TGFA: variants seen among roughly 807,000 people sequenced by gnomAD.
The protein encoded by TGFA is transforming growth factor alpha.
A neutral mutation model predicts 21.7 loss-of-function variants in TGFA; 12 were observed. The observed-to-expected ratio is 0.55, with a 90% CI of 0.35 to 0.90. TGFA has a LOEUF of 0.90. TGFA is among the 40% of genes least tolerant of loss of function. The pLI is 0.01. For synonymous variants in TGFA, 79 were observed against 88.1 expected (o/e 0.90, Z 0.58); for missense variants, 178 against 210.8 (o/e 0.84, Z 0.96).
At chr2:70,459,638 C>A (rs1461942064) in intron 3 of TGFA, among the ~76,000 whole-genome samples, 1 of 152,162 alleles carries the variant, frequency 6.6e-6, no homozygotes, top group Non-Finnish European at 1.5e-5. Context: ...AGGGAGATAA[C>A]CCCCTGGGCT....
intron 3 of TGFA, 103 bp downstream of exon 3, chr2:70,465,513 G>C: frequency 6.9e-7 from 1 of 1,445,128 alleles, no homozygotes; most frequent in South Asian, 1.3e-5. Context: ...CTGGCTCCAG[G>C]GGTCTCGGAG....
At chr2:70,473,551 A>G (rs1276268388) in intron 2 of TGFA, among the ~76,000 whole-genome samples, 1 of 151,898 alleles carries the variant, frequency 6.6e-6, no homozygotes, top group East Asian at 1.9e-4. Flanking sequence ...AGGCAGAAGA[A>G]CAAGAGGGTT....
In TGFA at chr2:70,476,080, C is replaced by CAAAA. The variant is rs1175233983; in HGVS notation, c.95-10348_95-10345dup. On this transcript the variant is annotated intron_variant, in intron 2 of 5. Coordinates refer to ENST00000295400, the MANE Select transcript of TGFA (RefSeq NM_003236.4). ...CTACCTTGGTCTTAGTAATTTTAAG[C>CAAAA]AAAAAAAAAAAAAAAAAAAAAAAAA... 7.2e-3 allele frequency among the ~76,000 whole-genome samples: 401 copies of CAAAA among 55,614 alleles called. 20 individuals are homozygous for CAAAA. The highest frequency in any genetic ancestry group is 0.018 in the South Asian group (18 of 1,016). 36.5% of individuals were successfully genotyped at this position (55,614 alleles called of 152,430 possible).
chr2:70,523,604 CT>C (rs1432644560), intron 1 of TGFA, among the ~76,000 whole-genome samples: 2 of 152,176 alleles, frequency 1.3e-5, no homozygotes, highest in Non-Finnish European at 2.9e-5. Context: ...ACGATGCCCC[CT>C]GACCACTCTG....
At chr2:70,530,636 CT>C (rs1162937225) in intron 1 of TGFA, among the ~76,000 whole-genome samples, 5 of 152,250 alleles carry the variant, frequency 3.3e-5, no homozygotes, top group African/African-American at 1.2e-4. Context: ...CCCAGGTTTA[CT>C]TATAAGACAT....
At chr2:70,532,711 G>A (rs1443444084) in intron 1 of TGFA, among the ~76,000 whole-genome samples, 14 of 152,132 alleles carry the variant, frequency 9.2e-5, no homozygotes, top group South Asian at 2.1e-4. Context: ...ATCCCCATCC[G>A]TGGCCTGTGA....
intron 4 of TGFA, among the ~76,000 whole-genome samples, chr2:70,454,613 C>T (rs1370073078): frequency 6.6e-6 from 1 of 152,208 alleles, no homozygotes; most frequent in Non-Finnish European, 1.5e-5. Context: ...GGATCAAGGC[C>T]TCTAGATCCC....
At chr2:70,455,588 G>C (rs1269791697) in intron 4 of TGFA, among the ~76,000 whole-genome samples, 3 of 152,138 alleles carry the variant, frequency 2.0e-5, no homozygotes, top group Non-Finnish European at 1.5e-5. Flanking sequence ...AAAAGTAATG[G>C]TGAAAACTGC....
chr2:70,524,176 C>G (rs1672562143), intron 1 of TGFA, among the ~76,000 whole-genome samples: 1 of 152,194 alleles, frequency 6.6e-6, no homozygotes, highest in Non-Finnish European at 1.5e-5. Flanking sequence ...ATCTGGTGGT[C>G]CGAGAGAACC....
intron 2 of TGFA, among the ~76,000 whole-genome samples, chr2:70,479,272 A>G (rs1431778384): frequency 6.6e-6 from 1 of 152,214 alleles, no homozygotes; most frequent in Non-Finnish European, 1.5e-5. Context: ...GAAATATTAT[A>G]TGTCTGAGAA....
At chr2:70,502,204 T>C (rs1187202584) in intron 2 of TGFA, among the ~76,000 whole-genome samples, 1 of 151,920 alleles carries the variant, frequency 6.6e-6, no homozygotes, top group African/African-American at 2.4e-5. Flanking sequence ...ACCGAGGGGG[T>C]GTGTTTTCTC....
chr2:70,508,185 C>T (rs1421267791), intron 2 of TGFA, among the ~76,000 whole-genome samples: 2 of 152,188 alleles, frequency 1.3e-5, no homozygotes, highest in Non-Finnish European at 2.9e-5. Context: ...TGGCTCATGC[C>T]TGTAAACCCA....
chr2:70,505,401 G>A (rs1400964976), intron 2 of TGFA, among the ~76,000 whole-genome samples: 1 of 152,148 alleles, frequency 6.6e-6, no homozygotes, highest in Non-Finnish European at 1.5e-5. Context: ...GTGCTGGGCT[G>A]TTTCTTTAAC....
At chr2:70,527,852 G>A (rs1158486686) in intron 1 of TGFA, among the ~76,000 whole-genome samples, 5 of 152,206 alleles carry the variant, frequency 3.3e-5, no homozygotes, top group Admixed American at 2.6e-4. Context: ...CTGCACTCTG[G>A]ATTGTCCAGT....
At chr2:70,530,948 G>T (rs999707954) in intron 1 of TGFA, among the ~76,000 whole-genome samples, 1 of 152,168 alleles carries the variant, frequency 6.6e-6, no homozygotes, top group Non-Finnish European at 1.5e-5. Context: ...GAGGCCCCAG[G>T]TCTCCACTTT....
Position 70,477,670 on chromosome 2 carries a change from C to T in TGFA, c.95-11934G>A, listed in dbSNP as rs183032714. ...GCAGGCTTGGTCCATAAGAACCTCC[C>T]GGTGTGACCTCCCTTTGTCTTTTCC... On this transcript the variant is annotated intron_variant, in intron 2 of 5. Transcript: ENST00000295400. Among the ~76,000 whole-genome samples, 8 of 152,262 alleles carry T rather than the reference C, an allele frequency of 5.3e-5. No homozygotes were observed. In the East Asian group the frequency reaches 7.7e-4, roughly 15 times the overall value.
chr2:70,475,849 T>G (rs1670903915), intron 2 of TGFA, among the ~76,000 whole-genome samples: 1 of 150,952 alleles, frequency 6.6e-6, no homozygotes, highest in African/African-American at 2.4e-5. Flanking sequence ...GACCACTACC[T>G]CCCCCAAAAG....
intron 1 of TGFA, among the ~76,000 whole-genome samples, chr2:70,551,706 CT>C (rs34718507): frequency 0.17 from 25,746 of 149,422 alleles, 2,746 homozygotes; most frequent in East Asian, 0.36. Context: ...TTACTCCTGC[CT>C]TTTTTTTTTC....
chr2:70,473,391 G>A (rs1263973661), intron 2 of TGFA, among the ~76,000 whole-genome samples: 6 of 151,780 alleles, frequency 4.0e-5, no homozygotes, highest in Non-Finnish European at 7.4e-5. Flanking sequence ...GGTGGGGGGA[G>A]GTGAGAATAA....
Sources: gnomAD v4.1 joint callset for allele counts (sites outside exome capture counted in the v4.1 genomes callset) on GRCh38, gnomAD v4.1.1 for gene constraint, MANE v1.5 for transcripts, NCBI Gene and HGNC (gene_info 2026-07-23, HGNC 2026-07-21) for gene names.